PHLDB2: variants seen among roughly 807,000 people sequenced by gnomAD.
PHLDB2 encodes the protein pleckstrin homology-like domain family B member 2.
A neutral mutation model predicts 123.6 loss-of-function variants in PHLDB2; 71 were observed. The ratio of observed to expected loss-of-function variants is 0.57; its 90% CI spans 0.47 to 0.70. The LOEUF is 0.70. Among genes scored for constraint, PHLDB2 ranks in the 30% least tolerant of loss-of-function variants. The pLI is 0.00. For synonymous variants in PHLDB2, 547 were observed against 541.6 expected (o/e 1.01, Z -0.14); for missense variants, 1,446 against 1,519.5 (o/e 0.95, Z 0.80).
At chr3:111,809,334 T>C (rs79742792) in intron 1 of PHLDB2, among the ~76,000 whole-genome samples, 6,352 of 152,278 alleles carry the variant, frequency 0.042, 454 homozygotes, top group African/African-American at 0.14. Flanking sequence ...CTCTAAATAG[T>C]AAAATAAATA....
intron 1 of PHLDB2, among the ~76,000 whole-genome samples, chr3:111,795,656 T>C (rs1249991253): frequency 6.6e-6 from 1 of 152,222 alleles, no homozygotes; most frequent in Non-Finnish European, 1.5e-5. Flanking sequence ...GAGCTCCTCC[T>C]CCTTTTGGAT....
chr3:111,787,983 C>G (rs1227857284), intron 1 of PHLDB2, among the ~76,000 whole-genome samples: 1 of 152,122 alleles, frequency 6.6e-6, no homozygotes, highest in East Asian at 1.9e-4. Flanking sequence ...AGAAATCCTC[C>G]AGTCTGGCAA....
chr3:111,751,794 A>T (rs999728820), intron 1 of PHLDB2, among the ~76,000 whole-genome samples: 4 of 152,018 alleles, frequency 2.6e-5, no homozygotes, highest in Non-Finnish European at 4.4e-5. Context: ...CATATGTAAC[A>T]AACCTGCACC....
At position 111,967,733 on chromosome 3, in the gene PHLDB2, A is replaced by G; in HGVS notation, c.3224A>G (p.Glu1075Gly). Residue 1075 changes from glutamate to glycine, a missense_variant, in exon 15 of 18, where the codon GAA becomes GGA. Around this residue, in one of 3 missense-constraint regions of PHLDB2, gnomAD observed 594 missense variants for 646.0 expected, o/e 0.92. Transcript: ENST00000431670. The stretch of plus-strand genomic sequence containing the variant: ...CTGGAAGAAGAAAAACGACGCCGGG[A>G]AATCCTGGAAAAACGATTACAGGAA... ...RALEEEKRRR[E>G]ILEKRLQEET... 2 of 1,613,024 alleles carry G rather than the reference A, an allele frequency of 1.2e-6. No individual in the cohort carries two copies. The highest frequency in any genetic ancestry group is 1.7e-6 in the Non-Finnish European group (2 of 1,179,648).
intron 1 of PHLDB2, among the ~76,000 whole-genome samples, chr3:111,774,535 C>T (rs1010901169): frequency 9.9e-5 from 15 of 152,148 alleles, no homozygotes; most frequent in African/African-American, 3.6e-4. Flanking sequence ...GTAAGACATG[C>T]AGAGTCCTGG....
intron 1 of PHLDB2, among the ~76,000 whole-genome samples, chr3:111,839,707 G>C (rs73226359): frequency 0.1 from 15,448 of 151,992 alleles, 1,026 homozygotes; most frequent in South Asian, 0.17. Context: ...ATGTTCAATA[G>C]ATGGAGAGAG....
intron 1 of PHLDB2, among the ~76,000 whole-genome samples, chr3:111,791,664 CT>C (rs918978149): frequency 2.6e-5 from 4 of 151,920 alleles, no homozygotes; most frequent in African/African-American, 7.2e-5. Flanking sequence ...TATACTTTAT[CT>C]TTTTTTTACA....
intron 11 of PHLDB2, among the ~76,000 whole-genome samples, chr3:111,953,209 G>T (rs2070819597): frequency 6.6e-6 from 1 of 152,136 alleles, no homozygotes. Context: ...ACTAACCAAG[G>T]AGCCCTCAGC....
intron 6 of PHLDB2, among the ~76,000 whole-genome samples, chr3:111,939,231 C>T (rs925401761): frequency 6.6e-6 from 1 of 152,102 alleles, no homozygotes; most frequent in Non-Finnish European, 1.5e-5. Flanking sequence ...GTGGGTTTAA[C>T]GCAAGAATTC....
At chr3:111,845,210 C>G (rs1294295123) in intron 1 of PHLDB2, among the ~76,000 whole-genome samples, 1 of 151,800 alleles carries the variant, frequency 6.6e-6, no homozygotes, top group Non-Finnish European at 1.5e-5. Context: ...AAAAAATTAG[C>G]CAGGCCTGGT....
At chr3:111,959,730 C>T (rs534275423) in intron 12 of PHLDB2, among the ~76,000 whole-genome samples, 6 of 152,140 alleles carry the variant, frequency 3.9e-5, no homozygotes, top group Admixed American at 3.3e-4. Flanking sequence ...GAAAAGTAGC[C>T]GAAAAACAAC....
chr3:111,832,469 C>G (rs942132554), intron 1 of PHLDB2, among the ~76,000 whole-genome samples: 2 of 150,814 alleles, frequency 1.3e-5, no homozygotes, highest in African/African-American at 4.9e-5. Flanking sequence ...TCCTTCCATC[C>G]CCATTCCCCA....
At chr3:111,755,621 G>T (rs1224853843) in intron 1 of PHLDB2, among the ~76,000 whole-genome samples, 1 of 145,800 alleles carries the variant, frequency 6.9e-6, no homozygotes, top group Non-Finnish European at 1.5e-5. Context: ...TTCATTAATT[G>T]TTTGAAGGGT....
chr3:111,911,915 A>G (rs574368852), intron 2 of PHLDB2, among the ~76,000 whole-genome samples: 5 of 152,292 alleles, frequency 3.3e-5, no homozygotes, highest in East Asian at 3.9e-4. Context: ...TGACTTTTCT[A>G]CTTGTTAATA....
At chr3:111,812,407 C>A (rs758774418) in intron 1 of PHLDB2, among the ~76,000 whole-genome samples, 1 of 152,182 alleles carries the variant, frequency 6.6e-6, no homozygotes, top group Non-Finnish European at 1.5e-5. Flanking sequence ...ACAGTATAAA[C>A]ATATGATGTC....
intron 16 of PHLDB2, among the ~76,000 whole-genome samples, chr3:111,970,628 A>G (rs1368134027): frequency 1.3e-5 from 2 of 152,196 alleles, no homozygotes; most frequent in African/African-American, 4.8e-5. Flanking sequence ...TAAGTGCAGG[A>G]ATATTAGTGT....
At chr3:111,806,503 G>C (rs1000729408) in intron 1 of PHLDB2, among the ~76,000 whole-genome samples, 1 of 102,882 alleles carries the variant, frequency 9.7e-6, no homozygotes, top group African/African-American at 3.7e-5. Context: ...TCTTTTTTTT[G>C]AGACGGAGTC....
In PHLDB2 at chr3:111,976,193, A is replaced by G. The variant is rs1276536023; in HGVS notation, c.*1630A>G. ...TCTAATCCAATTGCATGATGTAGTA[A>G]GCCTCTTAAATATGTGTGTTAAATA... is the stretch of plus-strand genomic sequence containing the variant. On this transcript the variant is annotated 3_prime_UTR_variant, in exon 18 of 18. Transcript: ENST00000431670. The G allele has an allele frequency of 2.6e-5, 4 of 152,430 alleles. No homozygotes were observed. The highest frequency in any genetic ancestry group is 4.4e-5 in the Non-Finnish European group (3 of 68,040). The allele number at this position is 152,430 out of a possible 1,614,324, so 9.4% of individuals were successfully genotyped here.
intron 5 of PHLDB2, among the ~76,000 whole-genome samples, chr3:111,927,391 A>G (rs1405877635): frequency 6.6e-6 from 1 of 152,148 alleles, no homozygotes; most frequent in African/African-American, 2.4e-5. Context: ...AAACAAATAA[A>G]TAAATGAAGG....
Sources: gnomAD v4.1 joint callset for allele counts (sites outside exome capture counted in the v4.1 genomes callset) on GRCh38, gnomAD v4.1.1 for gene constraint, gnomAD v4.1.1 regional missense constraint, MANE v1.5 for transcripts, NCBI Gene and HGNC (gene_info 2026-07-23, HGNC 2026-07-21) for gene names.